Variants in AOPEP observed in about 807,000 individuals in gnomAD.
AOPEP encodes the protein aminopeptidase O.
In AOPEP, 77 loss-of-function variants were observed where a neutral mutation model predicts 98.1. That is an observed-to-expected ratio of 0.78 (90% CI 0.65 to 0.95). The LOEUF (loss-of-function observed/expected upper bound fraction) is 0.95, where lower values mean the gene tolerates loss of function less well. Ranked by LOEUF, AOPEP falls within the 40% of genes least tolerant of loss-of-function variation. The pLI is 0.00. For synonymous variants in AOPEP, 346 were observed against 365.3 expected (o/e 0.95, Z 0.60); for missense variants, 1,024 against 1,024.7 (o/e 1.00, Z 0.01).
intron 10 of AOPEP, among the ~76,000 whole-genome samples, chr9:94,969,086 C>G (rs2059379225): frequency 6.6e-6 from 1 of 152,146 alleles, no homozygotes; most frequent in Non-Finnish European, 1.5e-5. Context: ...CAGTCTGGCT[C>G]TAGAACCTAT....
intron 5 of AOPEP, among the ~76,000 whole-genome samples, chr9:94,861,246 G>T (rs2044940610): frequency 6.6e-6 from 1 of 152,214 alleles, no homozygotes; most frequent in African/African-American, 2.4e-5. Context: ...AGCAGCAGCA[G>T]CTGCTGTCAC....
chr9:94,969,143 C>T (rs912166993), intron 10 of AOPEP, among the ~76,000 whole-genome samples: 7 of 152,030 alleles, frequency 4.6e-5, no homozygotes, highest in African/African-American at 1.7e-4. Context: ...ACTCCAAGAT[C>T]ACTCAGCAAG....
chr9:94,845,943 G>T (rs2042809039), intron 5 of AOPEP, among the ~76,000 whole-genome samples: 1 of 151,926 alleles, frequency 6.6e-6, no homozygotes. Flanking sequence ...AAAAATACAA[G>T]AATTAGTCAG....
Position 94,760,242 on chromosome 9 carries a change from G to A in AOPEP, c.459G>A (p.Val153=), listed in dbSNP as rs1216889124. 1 of 1,614,066 alleles carries A rather than the reference G, an allele frequency of 6.2e-7. No individual in the cohort carries two copies. Among genetic ancestry groups the A allele is most frequent in the African/African-American group, 1.3e-5 (1 of 74,922 alleles). Residue 153 remains valine (V), a synonymous_variant, in exon 2 of 17, where the codon GTG becomes GTA. Transcript: ENST00000375315. The stretch of plus-strand genomic sequence containing the variant: ...TGTTGGACTGCTGTGATTTATCTGT[G>A]TTAAAAGTCGAGGAGGTGGATGTTG... ...LLVLDCCDLS[V]LKVEEVDVAA...
chr9:94,752,136 C>T (rs1428614512), intron 1 of AOPEP, among the ~76,000 whole-genome samples: 1 of 152,112 alleles, frequency 6.6e-6, no homozygotes, highest in Non-Finnish European at 1.5e-5. Context: ...GATCCTCCCG[C>T]CTTGGCCTTC....
chr9:95,089,924 C>T (rs962927669), downstream of AOPEP, among the ~76,000 whole-genome samples: 17 of 152,380 alleles, frequency 1.1e-4, no homozygotes, highest in East Asian at 5.8e-4. Context: ...ACTGAACAGA[C>T]GGACCCAGGA....
chr9:95,061,635 A>G (rs760393759), intron 14 of AOPEP, among the ~76,000 whole-genome samples: 1 of 152,194 alleles, frequency 6.6e-6, no homozygotes, highest in Non-Finnish European at 1.5e-5. Flanking sequence ...GTCCCAATTG[A>G]TTATAGTGTT....
chr9:94,874,662 A>G (rs1256184564), intron 5 of AOPEP, among the ~76,000 whole-genome samples: 1 of 152,160 alleles, frequency 6.6e-6, no homozygotes, highest in Admixed American at 6.5e-5. Context: ...GCCAGAAGAA[A>G]TATGGCTTGG....
chr9:95,002,411 AG>A (rs2061620855), intron 11 of AOPEP, among the ~76,000 whole-genome samples: 1 of 152,224 alleles, frequency 6.6e-6, no homozygotes, highest in South Asian at 2.1e-4. Context: ...AGAGACGTTC[AG>A]TACATTTTTA....
intron 7 of AOPEP, chr9:94,933,736 T>A: frequency 1.1e-6 from 1 of 896,716 alleles, no homozygotes; most frequent in Non-Finnish European, 1.3e-6. Context: ...CTTTTTTTAT[T>A]TTTATTTATT....
At chr9:94,912,325 C>T (rs771680124) in intron 5 of AOPEP, among the ~76,000 whole-genome samples, 3 of 152,128 alleles carry the variant, frequency 2.0e-5, no homozygotes, top group Non-Finnish European at 4.4e-5. Flanking sequence ...TGCCAGCCAG[C>T]GTGCAGTTAA....
At chr9:94,827,687 A>C (rs921047029) in intron 5 of AOPEP, among the ~76,000 whole-genome samples, 1 of 152,144 alleles carries the variant, frequency 6.6e-6, no homozygotes, top group Non-Finnish European at 1.5e-5. Context: ...TCTTTGTCCA[A>C]ATAGGACATT....
intron 3 of AOPEP, among the ~76,000 whole-genome samples, chr9:94,789,690 A>G (rs1050428078): frequency 6.6e-6 from 1 of 152,140 alleles, no homozygotes; most frequent in African/African-American, 2.4e-5. Flanking sequence ...CCATCATGTC[A>G]TATCCATGTC....
At chr9:95,036,705 T>C (rs72750392) in intron 13 of AOPEP, among the ~76,000 whole-genome samples, 1 of 83,916 alleles carries the variant, frequency 1.2e-5, no homozygotes, top group Non-Finnish European at 3.3e-5. Flanking sequence ...TCTTCTTCTT[T>C]TTTTTTTGTG....
intron 7 of AOPEP, among the ~76,000 whole-genome samples, chr9:94,938,960 G>A (rs2056666812): frequency 6.6e-6 from 1 of 151,978 alleles, no homozygotes; most frequent in Admixed American, 6.6e-5. Context: ...ATTGAAAGAA[G>A]GCTTCTAGGC....
At chr9:94,856,641 TA>T (rs35234682) in intron 5 of AOPEP, among the ~76,000 whole-genome samples, 4,807 of 128,338 alleles carry the variant, frequency 0.037, 254 homozygotes, top group African/African-American at 0.13. Context: ...AACTCCGTCT[TA>T]AAAAAAAAAA....
intron 1 of AOPEP, among the ~76,000 whole-genome samples, chr9:94,729,369 A>G (rs892355690): frequency 6.6e-6 from 1 of 152,164 alleles, no homozygotes; most frequent in African/African-American, 2.4e-5. Context: ...CAGGAGTTCA[A>G]GACCAGCCTG....
At chr9:94,976,385 A>C (rs1230578008) in intron 10 of AOPEP, among the ~76,000 whole-genome samples, 1 of 152,166 alleles carries the variant, frequency 6.6e-6, no homozygotes, top group Non-Finnish European at 1.5e-5. Context: ...AAGGAAATTT[A>C]TGTCCGTGTC....
intron 2 of AOPEP, among the ~76,000 whole-genome samples, chr9:94,768,356 A>T (rs1286638148): frequency 6.6e-6 from 1 of 152,238 alleles, no homozygotes; most frequent in Non-Finnish European, 1.5e-5. Context: ...AAACAAAAAA[A>T]AACCCCTTTT....
Sources: allele counts gnomAD v4.1 joint callset (sites outside exome capture counted in the v4.1 genomes callset), GRCh38; gene constraint gnomAD v4.1.1; transcripts MANE v1.5; gene names NCBI Gene and HGNC (gene_info 2026-07-23, HGNC 2026-07-21).